CAPN8: variants seen among roughly 807,000 people sequenced by gnomAD.
CAPN8 encodes the protein calpain 8.
Under a neutral mutation model 80.9 loss-of-function variants are expected in CAPN8, and 87 were observed. That is an observed-to-expected ratio of 1.07 (90% confidence interval 0.90 to 1.28). The LOEUF (loss-of-function observed/expected upper bound fraction) is 1.28, where lower values mean the gene tolerates loss of function less well. Ranked by LOEUF, CAPN8 falls within the 50% of genes most tolerant of loss-of-function variation. The pLI, the probability that CAPN8 is intolerant of heterozygous loss-of-function variation, is 0.00. For missense variants in CAPN8, 757 were observed against 702.0 expected, an observed-to-expected ratio of 1.08 and a Z score of -0.89; for synonymous variants, 299 against 273.8, an observed-to-expected ratio of 1.09 and a Z score of -0.91.
At chr1:223,649,979 G>T (rs1658303221) in intron 2 of CAPN8, among the ~76,000 whole-genome samples, 1 of 152,112 alleles carries the variant, frequency 6.6e-6, no homozygotes, top group South Asian at 2.1e-4. Context: ...CACCTGACCA[G>T]CTGGCTTTGA....
At chr1:223,634,637 T>C (rs1418707650) in intron 2 of CAPN8, among the ~76,000 whole-genome samples, 2 of 152,200 alleles carry the variant, frequency 1.3e-5, no homozygotes, top group Non-Finnish European at 2.9e-5. Context: ...AGAGTTGATA[T>C]GTGGCAAGAG....
At position 223,619,459 on chromosome 1, in the gene CAPN8, G is replaced by T; in HGVS notation, c.975-6C>A. 2.6e-6 allele frequency: 4 copies of T among 1,551,500 alleles called. No homozygotes were observed. The highest frequency in any genetic ancestry group is 3.5e-6 in the Non-Finnish European group (4 of 1,146,954). ...CGAAATCTGAAAGTGACATCCTGGG[G>T]CAGAGGCACCAGAGGGCTCTCAGTG... On this transcript the variant is annotated splice_region_variant and splice_polypyrimidine_tract_variant and intron_variant, in intron 8 of 20. Transcript: ENST00000366872.
At chr1:223,609,615 G>C (rs1157784643) in intron 11 of CAPN8, among the ~76,000 whole-genome samples, 1 of 152,182 alleles carries the variant, frequency 6.6e-6, no homozygotes, top group African/African-American at 2.4e-5. Context: ...GGCCTCCCCA[G>C]TTAAACGAAG....
At position 223,654,046 on chromosome 1, in the gene CAPN8, C is replaced by T. The variant is rs149732079; in HGVS notation, c.307+284G>A. Among the ~76,000 whole-genome samples the T allele has an allele frequency of 4.3e-4, 65 of 152,302 alleles. No individual in the cohort carries two copies. In the East Asian group the frequency reaches 8.9e-3, roughly 21 times the overall value. On this transcript the variant is annotated intron_variant, in intron 2 of 20. Coordinates refer to ENST00000366872, the MANE Select transcript of CAPN8 (RefSeq NM_001143962.2). ...CAGTATAGCACAGATATCTACTCTA[C>T]GCCTGTAATCCTGGCTCCTTGCTCT...
Position 223,544,758 on chromosome 1 carries a change from G to C in CAPN8, c.1912+14C>G, listed in dbSNP as rs757835418. 15 of 1,551,642 alleles carry C rather than the reference G, an allele frequency of 9.7e-6. No individual in the cohort carries two copies. The highest frequency in any genetic ancestry group is 9.5e-5 in the South Asian group (8 of 84,050). On this transcript the variant is annotated intron_variant, in intron 18 of 20. Transcript: ENST00000366872. ...CCTGGATCCCAAGACCCTGTCTACA[G>C]GATGTGTCCTCACCTGCCTTCCTGA...
At chr1:223,653,871 A>C (rs935152766) in intron 2 of CAPN8, among the ~76,000 whole-genome samples, 1 of 152,232 alleles carries the variant, frequency 6.6e-6, no homozygotes, top group Non-Finnish European at 1.5e-5. Flanking sequence ...ACAGGATCCC[A>C]GGCCTATGAA....
chr1:223,626,841 T>G (rs35469136), intron 5 of CAPN8, 148 bp downstream of exon 5: 411,885 of 747,630 alleles, frequency 0.55, 115,389 homozygotes, highest in South Asian at 0.65. Context: ...GTTCAGGCCT[T>G]TGTGTCACTA....
At chr1:223,634,009 T>C (rs1657844863) in intron 2 of CAPN8, among the ~76,000 whole-genome samples, 1 of 152,144 alleles carries the variant, frequency 6.6e-6, no homozygotes, top group African/African-American at 2.4e-5. Context: ...CCTCAGGTAG[T>C]TTGAAGCAGA....
chr1:223,634,004 G>T (rs1185997504), intron 2 of CAPN8, among the ~76,000 whole-genome samples: 1 of 152,194 alleles, frequency 6.6e-6, no homozygotes, highest in Non-Finnish European at 1.5e-5. Flanking sequence ...TAAAGCCTCA[G>T]GTAGTTTGAA....
chr1:223,624,170 G>C lies in CAPN8; in HGVS notation c.814-1270C>G, dbSNP rs543941111. 2.6e-5 allele frequency among the ~76,000 whole-genome samples: 4 copies of C among 152,078 alleles called. No homozygotes were observed. In the East Asian group the frequency reaches 7.7e-4, roughly 29 times the overall value. On this transcript the variant is annotated intron_variant, in intron 6 of 20. Coordinates refer to ENST00000366872, the MANE Select transcript of CAPN8 (RefSeq NM_001143962.2). ...ACTGCAGGCTCTCAAGCGCCTGCCC[G>C]GGCTCAAGCGATCCTCCCACCTCAG...
intron 2 of CAPN8, among the ~76,000 whole-genome samples, chr1:223,652,467 A>T (rs1224994342): frequency 2.0e-5 from 3 of 152,144 alleles, no homozygotes; most frequent in Admixed American, 6.5e-5. Context: ...TCAGGCCCCA[A>T]TTCAACAAGT....
At chr1:223,618,288 A>T in intron 9 of CAPN8, 4 of 1,550,566 alleles carry the variant, frequency 2.6e-6, no homozygotes, top group Non-Finnish European at 3.5e-6. Flanking sequence ...GAGCCTACAC[A>T]GGGACACATT....
intron 2 of CAPN8, among the ~76,000 whole-genome samples, chr1:223,649,104 C>T (rs1558355406): frequency 6.6e-6 from 1 of 152,234 alleles, no homozygotes; most frequent in South Asian, 2.1e-4. Context: ...GTATCTTGCT[C>T]CCCATTCCTG....
At position 223,612,106 on chromosome 1, in the gene CAPN8, T is replaced by A. The variant is rs1657043484; in HGVS notation, c.1323+140A>T. ...CAGAGCTACCAGCCTACTCATGTGGTTTGATTCATGACTGGATCATGTGAG... is the reference window on the plus strand; with the variant it reads ...CAGAGCTACCAGCCTACTCATGTGGATTGATTCATGACTGGATCATGTGAG... On this transcript the variant is annotated intron_variant, in intron 11 of 20. Transcript: ENST00000366872. The A allele has an allele frequency of 1.5e-5, 10 of 659,302 alleles. No individual in the cohort carries two copies. In the East Asian group the frequency reaches 3.5e-4, roughly 23 times the overall value. 40.8% of individuals were successfully genotyped at this position (659,302 alleles called of 1,614,324 possible).
intron 2 of CAPN8, among the ~76,000 whole-genome samples, chr1:223,653,729 C>A (rs2102735388): frequency 6.6e-6 from 1 of 152,208 alleles, no homozygotes. Flanking sequence ...AGCTCATCTG[C>A]CACCAAGGAG....
intron 9 of CAPN8, chr1:223,618,117 T>C (rs774034153): frequency 7.5e-6 from 8 of 1,064,512 alleles, no homozygotes; most frequent in Non-Finnish European, 1.1e-5. Context: ...ACAGTCTAAG[T>C]CAATCAACAG....
At chr1:223,640,912 C>G (rs1037326001) in intron 2 of CAPN8, among the ~76,000 whole-genome samples, 16 of 152,100 alleles carry the variant, frequency 1.1e-4, no homozygotes, top group African/African-American at 3.9e-4. Flanking sequence ...GAACATTTTG[C>G]TCAATTCGAT....
At position 223,612,172 on chromosome 1, in the gene CAPN8, T is replaced by C. The variant is rs1657045074; in HGVS notation, c.1323+74A>G. The stretch of plus-strand genomic sequence containing the variant: ...AGCTTCTACCACAGGAAACAGACGC[T>C]GCTGGCTGCCCATCCTGAAGGCAGC... On this transcript the variant is annotated intron_variant, in intron 11 of 20. Transcript: ENST00000366872. The C allele has an allele frequency of 2.5e-6, 3 of 1,190,026 alleles. No individual in the cohort carries two copies. In the South Asian group the frequency reaches 1.3e-4, roughly 51 times the overall value. The allele number at this position is 1,190,026 out of a possible 1,614,324, so 73.7% of individuals were successfully genotyped here. A position where few individuals can be genotyped will look rare whatever the true frequency, so the allele number is the denominator to read the frequency against.
intron 9 of CAPN8, chr1:223,616,801 AC>A (rs1657203096): frequency 6.6e-6 from 1 of 152,308 alleles, no homozygotes; most frequent in African/African-American, 2.4e-5. Flanking sequence ...CTGATGAGAC[AC>A]ACTTTCTTCA....
Sources: allele counts gnomAD v4.1 joint callset (sites outside exome capture counted in the v4.1 genomes callset), GRCh38; gene constraint gnomAD v4.1.1; transcripts MANE v1.5; gene names NCBI Gene and HGNC (gene_info 2026-07-23, HGNC 2026-07-21).